Variants in PCDHA2 observed in about 807,000 individuals in gnomAD.
PCDHA2 encodes protocadherin alpha-2.
Under a neutral mutation model 66.0 loss-of-function variants are expected in PCDHA2, and 58 were observed. That is an observed-to-expected ratio of 0.88 (90% confidence interval 0.71 to 1.09). PCDHA2 has a LOEUF of 1.09. Among genes scored for constraint, PCDHA2 ranks in the 50% least tolerant of loss-of-function variants. PCDHA2 has a pLI of 0.00. For synonymous variants in PCDHA2, 634 were observed against 554.0 expected (o/e 1.14, Z -2.03); for missense variants, 1,267 against 1,242.3 (o/e 1.02, Z -0.30).
rs1262601662 is a variant in PCDHA2, at chr5:141,011,550, A to C, written c.*1613A>C. On this transcript the variant is annotated 3_prime_UTR_variant, in exon 4 of 4. Coordinates refer to ENST00000526136, the MANE Select transcript of PCDHA2 (RefSeq NM_018905.3). ...CATTGTTAATCAGCTTTTGTGTATG[A>C]AAGACACAGTAAAATTTCTTTCTTA... 6 of 153,770 alleles carry C rather than the reference A, an allele frequency of 3.9e-5. No homozygotes were observed. The highest frequency in any genetic ancestry group is 1.4e-4 in the African/African-American group (6 of 41,462). The allele number at this position is 153,770 out of a possible 1,614,324, so 9.5% of individuals were successfully genotyped here. A position where few individuals can be genotyped will look rare whatever the true frequency, so the allele number is the denominator to read the frequency against.
chr5:140,823,179 G>T (rs17844294), intron 1 of PCDHA2: 1 of 1,613,914 alleles, frequency 6.2e-7, no homozygotes, highest in Non-Finnish European at 8.5e-7. Context: ...AGAACAACCC[G>T]CCAGGCTGCC....
chr5:140,938,268 T>C (rs2091998417), intron 1 of PCDHA2, among the ~76,000 whole-genome samples: 1 of 152,190 alleles, frequency 6.6e-6, no homozygotes, highest in Non-Finnish European at 1.5e-5. Context: ...TCTAATCACA[T>C]AGTTTTCTTG....
rs2150477897 is a variant in PCDHA2, at chr5:140,850,290, G to A, written c.2388+52938G>A. Reference sequence around the variant, plus strand: ...GGTGGGGAAGGTGCGCGCAGTGGACGCCGACTCGGGCTACAACGCGTGGCT... The same window carrying A: ...GGTGGGGAAGGTGCGCGCAGTGGACACCGACTCGGGCTACAACGCGTGGCT... On this transcript the variant is annotated intron_variant, in intron 1 of 3. Coordinates refer to ENST00000526136, the MANE Select transcript of PCDHA2 (RefSeq NM_018905.3). 4.4e-6 allele frequency: 7 copies of A among 1,595,816 alleles called. 1 individual carries two copies. The highest frequency in any genetic ancestry group is 6.0e-6 in the Non-Finnish European group (7 of 1,167,570).
At chr5:140,989,437 A>G (rs1330784508) in intron 3 of PCDHA2, among the ~76,000 whole-genome samples, 1 of 152,138 alleles carries the variant, frequency 6.6e-6, no homozygotes, top group East Asian at 1.9e-4. Flanking sequence ...AAAATTGCTG[A>G]GGTTGTTTAG....
chr5:140,834,582 G>A, intron 1 of PCDHA2: 1 of 1,614,134 alleles, frequency 6.2e-7, no homozygotes, highest in Non-Finnish European at 8.5e-7. Context: ...GTTCCGGGCG[G>A]TGTGCAAATT....
rs782257919 is a variant in PCDHA2, at chr5:140,853,730, T to C, written c.2388+56378T>C. 84 of 988,668 alleles carry C rather than the reference T, an allele frequency of 8.5e-5. 8 individuals carry two copies. Among genetic ancestry groups the C allele is most frequent in the African/African-American group, 5.6e-4 (32 of 56,686 alleles). The allele number at this position is 988,668 out of a possible 1,614,324, so 61.2% of individuals were successfully genotyped here. A position where few individuals can be genotyped will look rare whatever the true frequency, so the allele number is the denominator to read the frequency against. ...AGCATTAGCAGCACCTAAGTCCTCA[T>C]TGAATGTTCTGGTTCAAGGCTCCAC... On this transcript the variant is annotated intron_variant, in intron 1 of 3. Coordinates refer to ENST00000526136, the MANE Select transcript of PCDHA2 (RefSeq NM_018905.3).
intron 1 of PCDHA2, among the ~76,000 whole-genome samples, chr5:140,913,921 C>T (rs782350245): frequency 1.4e-4 from 22 of 152,018 alleles, no homozygotes; most frequent in South Asian, 1.2e-3. Flanking sequence ...AATTTTACTT[C>T]ATTGTGGTCA....
chr5:140,930,375 C>T (rs2086761522), intron 1 of PCDHA2: 1 of 151,734 alleles, frequency 6.6e-6, no homozygotes, highest in Non-Finnish European at 1.5e-5. Flanking sequence ...GTTAGTGGCC[C>T]TTGGCATTTC....
chr5:140,849,574 A>G (rs2150440972), intron 1 of PCDHA2: 1 of 1,598,696 alleles, frequency 6.3e-7, no homozygotes, highest in East Asian at 2.2e-5. Context: ...GTTCCTGTAA[A>G]AGAGGACGCA....
At chr5:140,828,295 C>T (rs1769680333) in intron 1 of PCDHA2, 1 of 1,614,006 alleles carries the variant, frequency 6.2e-7, no homozygotes, top group Non-Finnish European at 8.5e-7. Flanking sequence ...GGATGGCCTC[C>T]AAAGACCGCG....
intron 1 of PCDHA2, among the ~76,000 whole-genome samples, chr5:140,949,802 A>G (rs974562597): frequency 1.3e-5 from 2 of 151,818 alleles, no homozygotes; most frequent in Admixed American, 6.6e-5. Flanking sequence ...CCTTCAATAC[A>G]TTATTTGCTT....
At chr5:140,966,900 G>A (rs376213042) in intron 1 of PCDHA2, 1 of 1,598,684 alleles carries the variant, frequency 6.3e-7, no homozygotes, top group Non-Finnish European at 8.5e-7. Flanking sequence ...TCCCAGCTGC[G>A]ATACTCTGTG....
At position 140,840,716 on chromosome 5, in the gene PCDHA2, GAATA is replaced by G. The variant is rs1444091534; in HGVS notation, c.2388+43367_2388+43370del. 3.2e-4 allele frequency among the ~76,000 whole-genome samples: 48 copies of G among 151,992 alleles called. 1 individual carries two copies. Among genetic ancestry groups the G allele is most frequent in the Non-Finnish European group, 1.5e-5 (1 of 67,982 alleles). ...CGGTTCAGGCAATTTGACATTTATT[GAATA>G]AAGAAAAGCAAAAATTTAACAATAA... On this transcript the variant is annotated intron_variant, in intron 1 of 3. Coordinates refer to ENST00000526136, the MANE Select transcript of PCDHA2 (RefSeq NM_018905.3).
chr5:140,829,861 G>C (rs2150176439), intron 1 of PCDHA2: 1 of 1,613,956 alleles, frequency 6.2e-7, no homozygotes, highest in Non-Finnish European at 8.5e-7. Context: ...CAGGCCAAGT[G>C]GTGGCGAAGG....
At chr5:140,869,180 T>TG in intron 1 of PCDHA2, 1 of 1,613,322 alleles carries the variant, frequency 6.2e-7, no homozygotes. Context: ...TTCTGGGAGG[T>TG]GGGGAGCGGC....
chr5:140,849,948 CAGG>C (rs1562462413), intron 1 of PCDHA2: 1 of 1,597,844 alleles, frequency 6.3e-7, no homozygotes, highest in Admixed American at 1.7e-5. Flanking sequence ...CGCTGACGCG[CAGG>C]AGAACGCCCT....
chr5:140,801,306 G>A, intron 1 of PCDHA2: 1 of 1,613,426 alleles, frequency 6.2e-7, no homozygotes, highest in East Asian at 2.2e-5. Context: ...CTCCGTCTCT[G>A]AGGAGGCCAA....
Position 140,967,929 on chromosome 5 carries a change from G to A in PCDHA2, c.2389-11020G>A, listed in dbSNP as rs1554230126. 5 of 1,614,096 alleles carry A rather than the reference G, an allele frequency of 3.1e-6. No homozygotes were observed. The South Asian group carries it at 4.4e-5, about 14-fold the overall frequency. ...CCCAACACCATTGTGGCCGTTCTCAGTGTCAATGACCAAGACTCAGGCCCC... is the reference window on the plus strand; with the variant it reads ...CCCAACACCATTGTGGCCGTTCTCAATGTCAATGACCAAGACTCAGGCCCC... On this transcript the variant is annotated intron_variant, in intron 1 of 3. Coordinates refer to ENST00000526136, the MANE Select transcript of PCDHA2 (RefSeq NM_018905.3).
At chr5:140,807,793 A>C in intron 1 of PCDHA2, 1 of 1,614,146 alleles carries the variant, frequency 6.2e-7, no homozygotes, top group Non-Finnish European at 8.5e-7. Flanking sequence ...CTTTAGACAG[A>C]GAAGAAGCTC....
Sources: allele counts gnomAD v4.1 joint callset (sites outside exome capture counted in the v4.1 genomes callset), GRCh38; gene constraint gnomAD v4.1.1; transcripts MANE v1.5; gene names NCBI Gene and HGNC (gene_info 2026-07-23, HGNC 2026-07-21).